NRXN3: variants seen among roughly 807,000 people sequenced by gnomAD.
NRXN3 encodes neurexin 3.
A neutral mutation model predicts 137.6 loss-of-function variants in NRXN3; 32 were observed. That is an observed-to-expected ratio of 0.23 (90% CI 0.18 to 0.31). The LOEUF (loss-of-function observed/expected upper bound fraction) is 0.31. Ranked by LOEUF, NRXN3 falls within the 10% of genes least tolerant of loss-of-function variation. The probability of loss-of-function intolerance (pLI) is 1.00; values close to 1 mark genes in which losing one functional copy is unlikely to be tolerated. For synonymous variants in NRXN3, 798 were observed against 784.5 expected (o/e 1.02, Z -0.29); for missense variants, 1,574 against 2,062.5 (o/e 0.76, Z 4.59).
At chr14:79,069,954 T>TA (rs138726851) in intron 15 of NRXN3, among the ~76,000 whole-genome samples, 36,993 of 152,100 alleles carry the variant, frequency 0.24, 4,902 homozygotes, top group Admixed American at 0.4. Context: ...GTGAGCTGCT[T>TA]ATAATAAGCA....
At chr14:79,607,017 A>C (rs1356904445) in intron 16 of NRXN3, among the ~76,000 whole-genome samples, 1 of 152,228 alleles carries the variant, frequency 6.6e-6, no homozygotes, top group Non-Finnish European at 1.5e-5. Flanking sequence ...ACTTCTGTGT[A>C]AGTTTCACGT....
At chr14:79,835,107 T>C (rs2293831) in intron 20 of NRXN3, among the ~76,000 whole-genome samples, 138,156 of 152,126 alleles carry the variant, frequency 0.91, 62,762 homozygotes, top group East Asian at 0.95. Flanking sequence ...AAGAGATCTA[T>C]TGCACAACAT....
intron 15 of NRXN3, among the ~76,000 whole-genome samples, chr14:79,427,994 T>C (rs1189997001): frequency 1.3e-5 from 2 of 152,026 alleles, no homozygotes; most frequent in Non-Finnish European, 2.9e-5. Flanking sequence ...CGTGTGTGTG[T>C]GCGTGTGTGT....
At chr14:78,876,424 A>T (rs1412600661) in intron 10 of NRXN3, among the ~76,000 whole-genome samples, 3 of 152,162 alleles carry the variant, frequency 2.0e-5, no homozygotes, top group South Asian at 2.1e-4. Flanking sequence ...GTATTTGCGG[A>T]TTTATTTATT....
intron 19 of NRXN3, among the ~76,000 whole-genome samples, chr14:79,754,331 G>C (rs530239274): frequency 6.6e-6 from 1 of 151,458 alleles, no homozygotes; most frequent in Non-Finnish European, 1.5e-5. Flanking sequence ...ACGACAGAGC[G>C]AGACTCCATC....
chr14:78,758,086 A>G (rs1036700310), intron 8 of NRXN3, among the ~76,000 whole-genome samples: 1 of 152,128 alleles, frequency 6.6e-6, no homozygotes, highest in Non-Finnish European at 1.5e-5. Context: ...GAATGAAGTT[A>G]TCTTTTGTGG....
chr14:79,520,879 A>C (rs2097057600), intron 16 of NRXN3, among the ~76,000 whole-genome samples: 2 of 152,190 alleles, frequency 1.3e-5, no homozygotes. Flanking sequence ...AGGATCTAGA[A>C]CAAGAAATAC....
intron 19 of NRXN3, among the ~76,000 whole-genome samples, chr14:79,742,444 CCTT>C (rs2098966246): frequency 6.6e-6 from 1 of 152,218 alleles, no homozygotes; most frequent in African/African-American, 2.4e-5. Flanking sequence ...TCTTGCCTTT[CCTT>C]CTTTCCCTCC....
chr14:79,074,197 GTCTTGCACA>G (rs1407905773), intron 15 of NRXN3, among the ~76,000 whole-genome samples: 1 of 152,162 alleles, frequency 6.6e-6, no homozygotes, highest in African/African-American at 2.4e-5. Flanking sequence ...TAGCTCTGCA[GTCTTGCACA>G]TCAAATTTTA....
intron 15 of NRXN3, among the ~76,000 whole-genome samples, chr14:79,089,706 C>T (rs567489848): frequency 3.2e-4 from 48 of 151,984 alleles, no homozygotes; most frequent in African/African-American, 6.0e-4. Flanking sequence ...CCCATGGAGA[C>T]GATGACTGCA....
intron 16 of NRXN3, among the ~76,000 whole-genome samples, chr14:79,588,620 C>G (rs1282940695): frequency 6.6e-6 from 1 of 152,130 alleles, no homozygotes; most frequent in Non-Finnish European, 1.5e-5. Flanking sequence ...AGTTGACAGC[C>G]CTGATTCAGA....
At chr14:79,526,983 A>C (rs986418192) in intron 16 of NRXN3, among the ~76,000 whole-genome samples, 2 of 152,178 alleles carry the variant, frequency 1.3e-5, no homozygotes, top group Non-Finnish European at 2.9e-5. Flanking sequence ...TTATCTAAGT[A>C]GTAGTAACAA....
At chr14:79,745,892 C>A (rs761426319) in intron 19 of NRXN3, among the ~76,000 whole-genome samples, 9 of 152,104 alleles carry the variant, frequency 5.9e-5, no homozygotes, top group Non-Finnish European at 1.3e-4. Context: ...TCCCTGTGTG[C>A]CCCTTTCTTC....
At chr14:78,386,634 A>C (rs566120175) in intron 4 of NRXN3, among the ~76,000 whole-genome samples, 1 of 152,312 alleles carries the variant, frequency 6.6e-6, no homozygotes, top group Admixed American at 6.5e-5. Flanking sequence ...GAACAAACCA[A>C]AGGCTAGAAT....
intron 10 of NRXN3, among the ~76,000 whole-genome samples, chr14:78,888,522 G>T (rs549269974): frequency 6.6e-6 from 1 of 152,016 alleles, no homozygotes; most frequent in Non-Finnish European, 1.5e-5. Flanking sequence ...TTTTCCTACT[G>T]TCAGGGAAAC....
rs551122706 is a variant in NRXN3 at position 79,378,808 on chromosome 14, G to A, written c.3263-88413G>A. Reference sequence around the variant, plus strand: ...GAGGTTTTTATCTCTTGATTATGGAGCTTAACTCATTGTGAGCCCATTGAC... The same window carrying A: ...GAGGTTTTTATCTCTTGATTATGGAACTTAACTCATTGTGAGCCCATTGAC... On this transcript the variant is annotated intron_variant, in intron 15 of 20. Coordinates refer to ENST00000335750, the MANE Select transcript of NRXN3 (RefSeq NM_001330195.2). 4.9e-4 allele frequency among the ~76,000 whole-genome samples: 75 copies of A among 151,694 alleles called. 1 individual carries two copies. The highest frequency in any genetic ancestry group is 2.1e-4 in the Non-Finnish European group (14 of 67,962).
At chr14:79,531,384 A>G (rs1403549767) in intron 16 of NRXN3, among the ~76,000 whole-genome samples, 1 of 152,220 alleles carries the variant, frequency 6.6e-6, no homozygotes, top group Non-Finnish European at 1.5e-5. Flanking sequence ...ATCTAAATCA[A>G]CTTAATGAAG....
At chr14:78,593,311 A>T (rs544348211) in intron 4 of NRXN3, among the ~76,000 whole-genome samples, 1 of 152,206 alleles carries the variant, frequency 6.6e-6, no homozygotes, top group East Asian at 1.9e-4. Context: ...GTGAGACTGC[A>T]CGAAGATAAA....
At chr14:78,606,020 C>G (rs1198693161) in intron 4 of NRXN3, among the ~76,000 whole-genome samples, 2 of 151,904 alleles carry the variant, frequency 1.3e-5, no homozygotes, top group Non-Finnish European at 1.5e-5. Flanking sequence ...TTATTTCAAG[C>G]AGCACAAGAA....
Sources: gnomAD v4.1 joint callset for allele counts (sites outside exome capture counted in the v4.1 genomes callset) on GRCh38, gnomAD v4.1.1 for gene constraint, MANE v1.5 for transcripts, NCBI Gene and HGNC (gene_info 2026-07-23, HGNC 2026-07-21) for gene names.